The following LPXN variants were observed in gnomAD, a reference collection of about 807,000 sequenced individuals.
LPXN encodes the protein leupaxin.
LPXN carries 28 observed loss-of-function variants against 45.6 expected under a neutral mutation model. That is an observed-to-expected ratio of 0.61 (90% CI 0.45 to 0.84). The LOEUF (loss-of-function observed/expected upper bound fraction) is 0.84, where lower values mean the gene tolerates loss of function less well. Ranked by LOEUF, LPXN falls within the 40% of genes least tolerant of loss-of-function variation. The pLI, the probability that LPXN is intolerant of heterozygous loss-of-function variation, is 0.00. For synonymous variants in LPXN, 166 were observed against 169.9 expected, an observed-to-expected ratio of 0.98 and a Z score of 0.18; for missense variants, 459 against 475.0, an observed-to-expected ratio of 0.97 and a Z score of 0.31.
At chr11:58,548,920 T>G (rs536432610) in intron 7 of LPXN, among the ~76,000 whole-genome samples, 1 of 152,204 alleles carries the variant, frequency 6.6e-6, no homozygotes, top group African/African-American at 2.4e-5. Context: ...CACTTAATAC[T>G]GATCTAACCT....
intron 4 of LPXN, among the ~76,000 whole-genome samples, chr11:58,551,842 T>C (rs1338477935): frequency 6.6e-6 from 1 of 152,066 alleles, no homozygotes; most frequent in African/African-American, 2.4e-5. Flanking sequence ...AATATTTGAG[T>C]AGATACTTGG....
chr11:58,573,471 A>G (rs1024482658), intron 1 of LPXN, among the ~76,000 whole-genome samples: 10 of 152,282 alleles, frequency 6.6e-5, no homozygotes, highest in Admixed American at 4.6e-4. Flanking sequence ...GCTCAAAATA[A>G]AAAGCCATTT....
chr11:58,533,262 G>A (rs1385212184), intron 7 of LPXN, among the ~76,000 whole-genome samples: 2 of 152,176 alleles, frequency 1.3e-5, no homozygotes, highest in Admixed American at 1.3e-4. Context: ...AAAATGTTAA[G>A]TGCAGCCAAA....
intron 5 of LPXN, among the ~76,000 whole-genome samples, chr11:58,550,784 C>T (rs1854025690): frequency 6.6e-6 from 1 of 152,170 alleles, no homozygotes; most frequent in African/African-American, 2.4e-5. Flanking sequence ...TCAGATCTTA[C>T]CTCTACCTCT....
chr11:58,549,975 C>G lies in LPXN; in HGVS notation c.658G>C (p.Asp220His). Residue 220 changes from aspartate to histidine, a missense_variant and splice_region_variant, in exon 6 of 9, where the codon GAT becomes CAT. Physicochemically the swap from Asp to His is moderately conservative, Grantham distance 81 (BLOSUM62 -1). Transcript: ENST00000395074. ...RCAYCAAPIL[D>H]KVLTAMNQTW... ...GAGAGGAGCGGGGATTTACTTACATCCAGGATGGGAGCAGCGCAGTAAGCA... is the reference window on the plus strand; with the variant it reads ...GAGAGGAGCGGGGATTTACTTACATGCAGGATGGGAGCAGCGCAGTAAGCA... The G allele has an allele frequency of 6.2e-7, 1 of 1,614,086 alleles. No homozygotes were observed. Among genetic ancestry groups the G allele is most frequent in the Non-Finnish European group, 8.5e-7 (1 of 1,179,952 alleles).
chr11:58,553,649 G>C (rs1194778415), intron 4 of LPXN, among the ~76,000 whole-genome samples: 1 of 152,046 alleles, frequency 6.6e-6, no homozygotes, highest in Non-Finnish European at 1.5e-5. Context: ...TAAAGATAAG[G>C]TCCCTGCCCT....
intron 5 of LPXN, 128 bp downstream of exon 5, chr11:58,550,937 G>A: frequency 1.2e-6 from 1 of 820,010 alleles, no homozygotes; most frequent in Non-Finnish European, 1.8e-6. Flanking sequence ...AGTGGCCAGA[G>A]CACTGTAAGT....
intron 2 of LPXN, among the ~76,000 whole-genome samples, chr11:58,565,065 C>CTGA (rs1854488184): frequency 6.6e-6 from 1 of 152,186 alleles, no homozygotes; most frequent in Non-Finnish European, 1.5e-5. Context: ...GTGGCCACAT[C>CTGA]ACCAAACGTT....
intron 7 of LPXN, among the ~76,000 whole-genome samples, chr11:58,535,354 A>G (rs1853518524): frequency 6.6e-6 from 1 of 152,352 alleles, no homozygotes; most frequent in Middle Eastern, 3.4e-3. Context: ...CTGGGACGCA[A>G]GGCTGGTTCA....
chr11:58,534,433 T>A (rs1462738434), intron 7 of LPXN, among the ~76,000 whole-genome samples: 3 of 151,784 alleles, frequency 2.0e-5, no homozygotes, highest in African/African-American at 7.3e-5. Context: ...ACTGGGTAAA[T>A]AAAAAAATTA....
At chr11:58,532,056 C>A (rs1237783575) in intron 7 of LPXN, among the ~76,000 whole-genome samples, 1 of 152,270 alleles carries the variant, frequency 6.6e-6, no homozygotes, top group Admixed American at 6.5e-5. Flanking sequence ...CCGGCCAGCA[C>A]CGCCAGCCCC....
intron 7 of LPXN, among the ~76,000 whole-genome samples, chr11:58,544,021 A>G (rs1467310092): frequency 6.6e-6 from 1 of 152,154 alleles, no homozygotes; most frequent in African/African-American, 2.4e-5. Flanking sequence ...TAAAAAGCAG[A>G]CAATTTAGCA....
chr11:58,567,145 A>G (rs2134343571), intron 2 of LPXN, among the ~76,000 whole-genome samples: 1 of 152,282 alleles, frequency 6.6e-6, no homozygotes, highest in South Asian at 2.1e-4. Context: ...TTCCAAGTAC[A>G]TTTCTGCTTC....
intron 3 of LPXN, among the ~76,000 whole-genome samples, chr11:58,558,540 C>CAAAAAAAAAAA (rs35870490): frequency 8.3e-5 from 4 of 48,018 alleles, no homozygotes; most frequent in Admixed American, 2.4e-4. Flanking sequence ...GAGACCCTGT[C>CAAAAAAAAAAA]AAAAAAAAAA....
At chr11:58,574,560 C>T (rs1429571893) in intron 1 of LPXN, among the ~76,000 whole-genome samples, 1 of 151,770 alleles carries the variant, frequency 6.6e-6, no homozygotes. Context: ...TTCGGTGTCC[C>T]CTCCATCCCC....
rs548727418 is a variant in LPXN at position 58,569,009 on chromosome 11, A to G, written c.171+1547T>C. 7.8e-4 allele frequency among the ~76,000 whole-genome samples: 119 copies of G among 152,350 alleles called. 1 individual carries two copies. The highest frequency in any genetic ancestry group is 1.5e-3 in the Non-Finnish European group (102 of 68,026). ...GGCAGGAGACCACTTAGGAGCCTAC[A>G]GCTATAATCTAACACTGAGAACAAA... On this transcript the variant is annotated intron_variant, in intron 2 of 8. Coordinates refer to ENST00000395074, the MANE Select transcript of LPXN (RefSeq NM_004811.3).
chr11:58,540,600 G>A (rs576090588), intron 7 of LPXN, among the ~76,000 whole-genome samples: 51 of 152,236 alleles, frequency 3.4e-4, no homozygotes, highest in South Asian at 3.3e-3. Flanking sequence ...AATCCATTTG[G>A]CAAAACACTT....
chr11:58,546,433 C>T (rs1247700095), intron 7 of LPXN, among the ~76,000 whole-genome samples: 1 of 152,190 alleles, frequency 6.6e-6, no homozygotes, highest in Non-Finnish European at 1.5e-5. Flanking sequence ...CATGAGGAAA[C>T]GAGTCAAGCT....
Position 58,575,406 on chromosome 11 carries a change from A to T in LPXN, c.13+354T>A, listed in dbSNP as rs368923494. The stretch of plus-strand genomic sequence containing the variant: ...TTTCCTCCTCAAATCATATCTCTGC[A>T]TTGTCTCGCTATGTGGCCACCCTTG... On this transcript the variant is annotated intron_variant, in intron 1 of 8. Coordinates refer to ENST00000395074, the MANE Select transcript of LPXN (RefSeq NM_004811.3). Among the ~76,000 whole-genome samples the T allele has an allele frequency of 4.6e-5, 7 of 152,156 alleles. No homozygotes were observed. In the East Asian group the frequency reaches 1.4e-3, roughly 29 times the overall value.
Sources: allele counts gnomAD v4.1 joint callset (sites outside exome capture counted in the v4.1 genomes callset), GRCh38; gene constraint gnomAD v4.1.1; transcripts MANE v1.5; gene names NCBI Gene and HGNC (gene_info 2026-07-23, HGNC 2026-07-21).